Variants in IL1RAPL1 observed in about 807,000 individuals in gnomAD.
The protein encoded by IL1RAPL1 is interleukin-1 receptor accessory protein-like 1.
In IL1RAPL1, 3 loss-of-function variants were observed where a neutral mutation model predicts 48.4. That is an observed-to-expected ratio of 0.06 (90% CI 0.03 to 0.16). The LOEUF (loss-of-function observed/expected upper bound fraction) is 0.16, where lower values mean the gene tolerates loss of function less well. Ranked by LOEUF, IL1RAPL1 falls within the 10% of genes least tolerant of loss-of-function variation. IL1RAPL1 has a pLI of 1.00. For missense variants in IL1RAPL1, 349 were observed against 530.6 expected, an observed-to-expected ratio of 0.66 and a Z score of 3.36; for synonymous variants, 185 against 187.7, an observed-to-expected ratio of 0.99 and a Z score of 0.12.
At chrX:29,183,607 C>T (rs1308331470) in intron 2 of IL1RAPL1, among the ~76,000 whole-genome samples, 1 of 111,853 alleles carries the variant, frequency 8.9e-6, no homozygotes, top group Admixed American at 9.5e-5. Context: ...AGATTATTTT[C>T]TTGCCTCTGG....
At chrX:29,469,443 A>G (rs902574936) in intron 5 of IL1RAPL1, among the ~76,000 whole-genome samples, 1 of 111,962 alleles carries the variant, frequency 8.9e-6, no homozygotes, top group Admixed American at 9.5e-5. Context: ...TACATTTTGT[A>G]CAATATTTCA....
chrX:29,587,074 A>ATCGT (rs1569344841), intron 5 of IL1RAPL1, among the ~76,000 whole-genome samples: 1 of 111,204 alleles, frequency 9.0e-6, no homozygotes, highest in Admixed American at 9.7e-5. Flanking sequence ...GTCTGCAGAC[A>ATCGT]TCGTTAGCCA....
At position 29,207,156 on chromosome X, in the gene IL1RAPL1, G is replaced by A. The variant is rs545629746; in HGVS notation, c.83-75782G>A. Among the ~76,000 whole-genome samples the A allele has an allele frequency of 3.5e-4, 39 of 111,664 alleles. No individual in the cohort carries two copies. The South Asian group carries it at 0.015, about 42-fold the overall frequency. The stretch of plus-strand genomic sequence containing the variant: ...TTTGTTCTGTAAGTGGAATTTTAAT[G>A]TATTCTTCATTTTCTAAAATCCAAG... On this transcript the variant is annotated intron_variant, in intron 2 of 10. Transcript: ENST00000378993.
At chrX:29,076,171 G>T (rs1191632325) in intron 2 of IL1RAPL1, among the ~76,000 whole-genome samples, 2 of 111,613 alleles carry the variant, frequency 1.8e-5, no homozygotes, top group African/African-American at 6.5e-5. Flanking sequence ...AAAATACTTT[G>T]TCTTCTTTCA....
At chrX:28,654,440 T>C (rs775042293) in intron 1 of IL1RAPL1, among the ~76,000 whole-genome samples, 1 of 111,668 alleles carries the variant, frequency 9.0e-6, no homozygotes, top group African/African-American at 3.2e-5. Flanking sequence ...CACATAAAGC[T>C]AATGGGGCCG....
chrX:28,692,156 A>G (rs997262438), intron 1 of IL1RAPL1, among the ~76,000 whole-genome samples: 3 of 111,082 alleles, frequency 2.7e-5, no homozygotes, highest in African/African-American at 9.8e-5. Context: ...GTCTCATGAG[A>G]GCTAGAACTT....
chrX:29,578,164 T>C (rs1026718681), intron 5 of IL1RAPL1, among the ~76,000 whole-genome samples: 1 of 111,776 alleles, frequency 8.9e-6, no homozygotes, highest in African/African-American at 3.3e-5. Flanking sequence ...GTTGACCCTT[T>C]GGGAACTGGA....
At chrX:29,148,361 G>T (rs1329312400) in intron 2 of IL1RAPL1, among the ~76,000 whole-genome samples, 1 of 111,568 alleles carries the variant, frequency 9.0e-6, no homozygotes, top group African/African-American at 3.3e-5. Context: ...GTCACCAAGG[G>T]ATTGCACATT....
At chrX:29,258,442 T>C (rs1767892131) in intron 2 of IL1RAPL1, among the ~76,000 whole-genome samples, 1 of 111,244 alleles carries the variant, frequency 9.0e-6, no homozygotes, top group Non-Finnish European at 1.9e-5. Flanking sequence ...AATCTCAGTA[T>C]CCTTAAAGTT....
At chrX:29,535,939 C>T (rs915593870) in intron 5 of IL1RAPL1, among the ~76,000 whole-genome samples, 9 of 111,742 alleles carry the variant, frequency 8.1e-5, no homozygotes, top group African/African-American at 2.9e-4. Context: ...TACTGCAGTC[C>T]TTCTGGAACT....
intron 1 of IL1RAPL1, among the ~76,000 whole-genome samples, chrX:28,641,854 C>T (rs1934547208): frequency 9.0e-6 from 1 of 110,804 alleles, no homozygotes; most frequent in Non-Finnish European, 1.9e-5. Flanking sequence ...TGCTTATTGG[C>T]CGCGTAAATG....
intron 5 of IL1RAPL1, among the ~76,000 whole-genome samples, chrX:29,618,218 C>T (rs1265300899): frequency 8.9e-6 from 1 of 112,007 alleles, no homozygotes; most frequent in African/African-American, 3.2e-5. Context: ...TACAAAATTG[C>T]TCATTAGCCT....
At chrX:29,551,859 A>G (rs1407935299) in intron 5 of IL1RAPL1, among the ~76,000 whole-genome samples, 1 of 99,654 alleles carries the variant, frequency 1.0e-5, no homozygotes, top group Non-Finnish European at 2.0e-5. Context: ...AAGTTCCCTT[A>G]TCAGCCTGAA....
intron 6 of IL1RAPL1, among the ~76,000 whole-genome samples, chrX:29,903,159 C>CGTGTGTGTGT (rs751071711): frequency 6.0e-5 from 6 of 99,708 alleles, no homozygotes; most frequent in Non-Finnish European, 8.1e-5. Context: ...CATTTGTCTC[C>CGTGTGTGTGT]GTGTGTGTGT....
intron 2 of IL1RAPL1, among the ~76,000 whole-genome samples, chrX:28,801,440 G>A (rs773199208): frequency 5.0e-4 from 55 of 110,973 alleles, no homozygotes; most frequent in Non-Finnish European, 8.9e-4. Flanking sequence ...TTTAATTTTC[G>A]TTTTTTCATT....
intron 2 of IL1RAPL1, among the ~76,000 whole-genome samples, chrX:29,027,905 A>G (rs1304439420): frequency 1.9e-5 from 2 of 105,662 alleles, no homozygotes; most frequent in Non-Finnish European, 3.9e-5. Flanking sequence ...TCCATTGTTG[A>G]GTTTTAAGAT....
At chrX:28,651,296 C>T (rs764646245) in intron 1 of IL1RAPL1, among the ~76,000 whole-genome samples, 7 of 112,067 alleles carry the variant, frequency 6.2e-5, no homozygotes, top group Non-Finnish European at 1.1e-4. Flanking sequence ...ATATGAGATT[C>T]GGATTTTAGT....
chrX:28,811,909 T>G (rs1454010857), intron 2 of IL1RAPL1, among the ~76,000 whole-genome samples: 1 of 110,968 alleles, frequency 9.0e-6, no homozygotes, highest in East Asian at 2.8e-4. Context: ...TGAAATAACC[T>G]ACTTAAGGTT....
chrX:29,567,747 T>A (rs1233330286), intron 5 of IL1RAPL1, among the ~76,000 whole-genome samples: 1 of 111,641 alleles, frequency 9.0e-6, no homozygotes, highest in Non-Finnish European at 1.9e-5. Context: ...TTTTCTTTCT[T>A]CTTTCTAAAA....
Sources: gnomAD v4.1 joint callset for allele counts (sites outside exome capture counted in the v4.1 genomes callset) on GRCh38, gnomAD v4.1.1 for gene constraint, MANE v1.5 for transcripts, NCBI Gene and HGNC (gene_info 2026-07-23, HGNC 2026-07-21) for gene names.